The following ALOXE3 variants were observed in gnomAD, a reference collection of about 807,000 sequenced individuals.
ALOXE3 encodes the protein arachidonate epidermal lipoxygenase 3.
Under a neutral mutation model 87.5 loss-of-function variants are expected in ALOXE3, and 78 were observed. The ratio of observed to expected loss-of-function variants is 0.89; its 90% confidence interval spans 0.74 to 1.08. The LOEUF (loss-of-function observed/expected upper bound fraction) is 1.08. Among genes scored for constraint, ALOXE3 ranks in the 50% least tolerant of loss-of-function variants. ALOXE3 has a pLI of 0.00. For missense variants in ALOXE3, 946 were observed against 912.4 expected, an observed-to-expected ratio of 1.04 and a Z score of -0.47; for synonymous variants, 363 against 370.8, an observed-to-expected ratio of 0.98 and a Z score of 0.24.
Position 8,107,811 on chromosome 17 carries a change from AAG to A in ALOXE3, c.1684+655_1684+656del, listed in dbSNP as rs1341856061. ...GAGACTCCGTCTCAAAAAAAAAAACAAGAAAGAAAGAAAGAAAGAAAGAAAGA... is the reference window on the plus strand; with the variant it reads ...GAGACTCCGTCTCAAAAAAAAAAACAAAAGAAAGAAAGAAAGAAAGAAAGA... On this transcript the variant is annotated intron_variant, in intron 13 of 15. Transcript: ENST00000448843. Among the ~76,000 whole-genome samples the A allele has an allele frequency of 4.4e-3, 9 of 2,034 alleles. 1 individual carries two copies. Among genetic ancestry groups the A allele is most frequent in the South Asian group, 0.029 (2 of 70 alleles). The allele number at this position is 2,034 out of a possible 152,430, so 1.3% of individuals were successfully genotyped here.
chr17:8,113,762 C>T (rs1041738400), intron 6 of ALOXE3, among the ~76,000 whole-genome samples: 5 of 151,992 alleles, frequency 3.3e-5, no homozygotes, highest in Non-Finnish European at 7.4e-5. Context: ...CGTGGTGGCT[C>T]ATGCCTGTAA....
intron 15 of ALOXE3, among the ~76,000 whole-genome samples, chr17:8,099,610 G>A (rs1007856099): frequency 1.9e-4 from 28 of 151,104 alleles, no homozygotes; most frequent in South Asian, 8.4e-4. Context: ...GCACTGAGCC[G>A]AGACCGCGCC....
intron 15 of ALOXE3, among the ~76,000 whole-genome samples, chr17:8,100,344 C>T (rs34719531): frequency 0.1 from 15,451 of 151,956 alleles, 1,054 homozygotes; most frequent in South Asian, 0.18. Context: ...AGAGAAAAAC[C>T]ACACAGGTGC....
At chr17:8,114,850 C>G in intron 5 of ALOXE3, 88 bp downstream of exon 5, 1 of 1,581,436 alleles carries the variant, frequency 6.3e-7, no homozygotes, top group Non-Finnish European at 8.7e-7. Context: ...AGACCCCTAC[C>G]CCTCCTTCCT....
rs1187931554 is a variant in ALOXE3 at position 8,107,999 on chromosome 17, GA to G, written c.1684+468del. ...GAGAGAGAGAAAGAAAGAAAGGAAG[GA>G]AAGAAAGAAAGAAAGAAAGAAAGAA... On this transcript the variant is annotated intron_variant, in intron 13 of 15. Transcript: ENST00000448843. 2.5e-3 allele frequency among the ~76,000 whole-genome samples: 11 copies of G among 4,318 alleles called. 3 individuals are homozygous for G. Among genetic ancestry groups the G allele is most frequent in the African/African-American group, 6.5e-3 (10 of 1,538 alleles). 2.8% of individuals were successfully genotyped at this position (4,318 alleles called of 152,430 possible).
chr17:8,105,219 A>G (rs1219667372), intron 13 of ALOXE3, among the ~76,000 whole-genome samples: 3 of 151,690 alleles, frequency 2.0e-5, no homozygotes, highest in Non-Finnish European at 4.4e-5. Context: ...CACTTATTCG[A>G]CTCCAGCTGT....
At chr17:8,118,617 A>G, upstream of ALOXE3, 8 of 1,535,468 alleles carry the variant, frequency 5.2e-6, no homozygotes, top group South Asian at 3.6e-5. Context: ...TCAAATGGTC[A>G]GGAACAGCTC....
upstream of ALOXE3, chr17:8,118,558 C>T (rs1980821028): frequency 1.3e-6 from 2 of 1,526,942 alleles, no homozygotes; most frequent in Non-Finnish European, 1.8e-6. Context: ...ATAAATCACA[C>T]GTGACTGCAG....
intron 7 of ALOXE3, 41 bp downstream of exon 7, chr17:8,112,052 A>C: frequency 6.4e-7 from 1 of 1,553,620 alleles, no homozygotes; most frequent in Non-Finnish European, 8.9e-7. Context: ...TGAGCATGAG[A>C]TAAGGTGAGG....
At chr17:8,109,791 T>C (rs1979862010) in intron 11 of ALOXE3, 125 bp downstream of exon 11, 2 of 957,888 alleles carry the variant, frequency 2.1e-6, no homozygotes, top group Non-Finnish European at 3.1e-6. Flanking sequence ...GCAGTGATTG[T>C]ACAGGTGTTC....
intron 14 of ALOXE3, 98 bp from the exon 15 acceptor site, chr17:8,103,591 G>A (rs1417482725): frequency 8.2e-6 from 11 of 1,343,158 alleles, no homozygotes; most frequent in Middle Eastern, 2.4e-4. Flanking sequence ...TCCTAGAGGT[G>A]ATAGTTGGGA....
intron 13 of ALOXE3, among the ~76,000 whole-genome samples, chr17:8,106,867 C>A (rs7215781): frequency 0.48 from 72,618 of 151,822 alleles, 17,546 homozygotes; most frequent in Middle Eastern, 0.54. Context: ...GATGCACTAA[C>A]TCAGAGAAAA....
At chr17:8,103,103 C>A (rs542560120) in intron 15 of ALOXE3, among the ~76,000 whole-genome samples, 2 of 152,160 alleles carry the variant, frequency 1.3e-5, no homozygotes, top group Non-Finnish European at 2.9e-5. Flanking sequence ...AATGAACATT[C>A]GGATAAATGG....
chr17:8,096,697 C>T lies in ALOXE3; in HGVS notation c.2066G>A (p.Arg689Gln), dbSNP rs761555598. 6 of 1,600,244 alleles carry T rather than the reference C, an allele frequency of 3.7e-6. No individual in the cohort carries two copies. The highest frequency in any genetic ancestry group is 2.2e-5 in the East Asian group (1 of 44,780). ...LAQISRDIQERNQGLALPYTY... is the reference protein window; with the variant it reads ...LAQISRDIQEQNQGLALPYTY... ...GTAGGGCAGTGCCAGACCCTGGTTC[C>T]GCTCCTGGATGTCCCTTGAGATCTG... The change falls in exon 16 of 16, where the codon CGG (arginine) becomes CAG (glutamine). Residue 689 changes from arginine to glutamine, a missense_variant. Coordinates refer to ENST00000448843, the MANE Select transcript of ALOXE3 (RefSeq NM_021628.3).
In ALOXE3 at chr17:8,110,001, A is replaced by G; in HGVS notation, c.1307T>C (p.Leu436Pro). ...QLPLCHPIYK[L>P]LLPHTRYTLQ... ...CGTGTATCGAGTGTGGGGGAGTAGG[A>G]GCTGCGAGCGGAGCGGATCACGTGA... Residue 436 changes from leucine to proline, a missense_variant and splice_region_variant, in exon 11 of 16, where the codon CTC becomes CCC. By Grantham distance (98) the Leu-to-Pro change is moderately conservative. Transcript: ENST00000448843. 9 of 1,555,728 alleles carry G rather than the reference A, an allele frequency of 5.8e-6. No individual in the cohort carries two copies. Among genetic ancestry groups the G allele is most frequent in the Non-Finnish European group, 7.8e-6 (9 of 1,149,294 alleles).
intron 14 of ALOXE3, among the ~76,000 whole-genome samples, chr17:8,103,728 C>G (rs1273561889): frequency 6.6e-6 from 1 of 151,864 alleles, no homozygotes; most frequent in African/African-American, 2.4e-5. Context: ...CCTTGTCACT[C>G]CCCGCCCAGT....
intron 7 of ALOXE3, 132 bp downstream of exon 7, chr17:8,111,961 G>A: frequency 1.2e-6 from 1 of 841,838 alleles, no homozygotes; most frequent in Non-Finnish European, 2.0e-6. Context: ...AGTGAAGCCA[G>A]GAGCCCCTCC....
Position 8,103,247 on chromosome 17 carries a change from C to A in ALOXE3, c.1956+76G>T, listed in dbSNP as rs1051490835. The A allele has an allele frequency of 2.8e-5, 43 of 1,547,092 alleles. No individual in the cohort carries two copies. The South Asian group carries it at 4.7e-4, about 17-fold the overall frequency. ...TAAATCCCGTCGATCAGTCCTCAAG[C>A]CCCCAGACGAAGCCACCACCACCCC... On this transcript the variant is annotated intron_variant, in intron 15 of 15. Transcript: ENST00000448843.
chr17:8,099,914 CA>C (rs1978817647), intron 15 of ALOXE3, among the ~76,000 whole-genome samples: 1 of 151,836 alleles, frequency 6.6e-6, no homozygotes, highest in Non-Finnish European at 1.5e-5. Context: ...TACCAAAAAT[CA>C]AAAAATTAGC....
Sources: gnomAD v4.1 joint callset for allele counts (sites outside exome capture counted in the v4.1 genomes callset) on GRCh38, gnomAD v4.1.1 for gene constraint, MANE v1.5 for transcripts, NCBI Gene and HGNC (gene_info 2026-07-23, HGNC 2026-07-21) for gene names.